TMPRSS9: variants seen among roughly 807,000 people sequenced by gnomAD.
TMPRSS9 encodes the protein transmembrane serine protease 9, also known as transmembrane protease serine 9.
In TMPRSS9, 113 loss-of-function variants were observed where a neutral mutation model predicts 111.4. That is an observed-to-expected ratio of 1.01 (90% CI 0.87 to 1.19). TMPRSS9 has a LOEUF of 1.19. TMPRSS9 is among the 50% of genes most tolerant of loss of function. The pLI, the probability that TMPRSS9 is intolerant of heterozygous loss-of-function variation, is 0.00. For missense variants in TMPRSS9, 1,803 were observed against 1,513.1 expected (o/e 1.19, Z -3.18); for synonymous variants, 805 against 659.1 (o/e 1.22, Z -3.39).
At chr19:2,384,106 G>A (rs12974906) in intron 1 of TMPRSS9, among the ~76,000 whole-genome samples, 76,937 of 152,006 alleles carry the variant, frequency 0.51, 21,642 homozygotes, top group African/African-American at 0.75. Context: ...AGGGGACCCC[G>A]CCCGGGGAAA....
At chr19:2,400,051 G>A (rs1041733988) in intron 4 of TMPRSS9, among the ~76,000 whole-genome samples, 3 of 152,166 alleles carry the variant, frequency 2.0e-5, no homozygotes, top group African/African-American at 4.8e-5. Context: ...TTTGTGGTCC[G>A]TTGGGTTTCT....
intron 13 of TMPRSS9, among the ~76,000 whole-genome samples, chr19:2,419,978 G>A (rs1172703201): frequency 6.6e-6 from 1 of 152,154 alleles, no homozygotes; most frequent in Admixed American, 6.6e-5. Context: ...GGACAACATA[G>A]TGAGACCCCG....
chr19:2,421,279 T>C (rs1225467315), intron 13 of TMPRSS9, among the ~76,000 whole-genome samples: 1 of 151,276 alleles, frequency 6.6e-6, no homozygotes, highest in African/African-American at 2.4e-5. Flanking sequence ...ATGGCTGTTA[T>C]TGTTGTTATT....
At chr19:2,408,116 G>A (rs908893288) in intron 7 of TMPRSS9, among the ~76,000 whole-genome samples, 6 of 145,086 alleles carry the variant, frequency 4.1e-5, no homozygotes, top group African/African-American at 1.0e-4. Flanking sequence ...ACTGTGTTTC[G>A]CTATGTTGCC....
intron 1 of TMPRSS9, among the ~76,000 whole-genome samples, chr19:2,365,909 A>G (rs929737769): frequency 2.0e-5 from 3 of 152,128 alleles, no homozygotes; most frequent in Non-Finnish European, 4.4e-5. Flanking sequence ...GGCTGCAGTG[A>G]GCTGTGATAA....
At position 2,378,104 on chromosome 19, in the gene TMPRSS9, T is replaced by C. The variant is rs1422347943; in HGVS notation, c.-25-11657T>C. ...TATGTTGCCCAGGCTGGTCTCAAAC[T>C]CCTGGCCTCAAGCAATTCTCTTGCC... On this transcript the variant is annotated intron_variant, in intron 1 of 17. Transcript: ENST00000649857. Among the ~76,000 whole-genome samples, 3 of 152,042 alleles carry C rather than the reference T, an allele frequency of 2.0e-5. No individual in the cohort carries two copies. In the South Asian group the frequency reaches 6.2e-4, roughly 32 times the overall value.
intron 1 of TMPRSS9, among the ~76,000 whole-genome samples, chr19:2,382,642 C>A (rs1970398546): frequency 6.7e-6 from 1 of 148,836 alleles, no homozygotes; most frequent in Non-Finnish European, 1.5e-5. Context: ...ACACACAGAC[C>A]ACACATGCAC....
intron 7 of TMPRSS9, 23 bp from the exon 9 acceptor site, chr19:2,408,333 T>A (rs778301439): frequency 6.2e-7 from 1 of 1,604,952 alleles, no homozygotes; most frequent in African/African-American, 1.3e-5. Context: ...CGGTGGCTTC[T>A]GAGCTGGGGT....
chr19:2,364,192 GTGAATGAATGAA>G (rs146229451), intron 1 of TMPRSS9, among the ~76,000 whole-genome samples: 1 of 151,284 alleles, frequency 6.6e-6, no homozygotes, highest in East Asian at 1.9e-4. Flanking sequence ...AAATAAATAA[GTGAATGAATGAA>G]TGAATGAATG....
rs1226779780 is a variant in TMPRSS9 at position 2,425,157 on chromosome 19, C to T, written c.2873C>T (p.Pro958Leu). ...GTGGCGCTGCTGGAGCTGGCGGGGC[C>T]GGTGCGTCGCAGCCGCCTGGTGCGT... Residue 958 changes from proline to leucine, a missense_variant, in exon 16 of 18, where the codon CCG becomes CTG. Transcript: ENST00000648592. 8 of 1,570,682 alleles carry T rather than the reference C, an allele frequency of 5.1e-6. No individual in the cohort carries two copies. The highest frequency in any genetic ancestry group is 6.9e-6 in the Non-Finnish European group (8 of 1,165,878).
At position 2,395,863 on chromosome 19, in the gene TMPRSS9, C is replaced by CTG. The variant is rs1970695215; in HGVS notation, c.143-676_143-675insTG. 1.3e-5 allele frequency among the ~76,000 whole-genome samples: 2 copies of CTG among 151,932 alleles called. 1 individual carries two copies. The highest frequency in any genetic ancestry group is 2.9e-5 in the Non-Finnish European group (2 of 67,976). On this transcript the variant is annotated intron_variant, in intron 1 of 17. Transcript: ENST00000648592. The stretch of plus-strand genomic sequence containing the variant: ...TCTACTAAAAATACAAAAAAATTAG[C>CTG]CACGCGTGGTCGTGGGTGCCTGTAG...
chr19:2,399,678 T>G (rs1028026726), intron 4 of TMPRSS9, among the ~76,000 whole-genome samples: 5 of 152,108 alleles, frequency 3.3e-5, no homozygotes, highest in African/African-American at 1.2e-4. Flanking sequence ...CAGAGTGTTG[T>G]GTTGTGTTGT....
At chr19:2,364,363 A>G (rs1970231222) in intron 1 of TMPRSS9, among the ~76,000 whole-genome samples, 1 of 152,140 alleles carries the variant, frequency 6.6e-6, no homozygotes, top group Non-Finnish European at 1.5e-5. Context: ...AAATGGATGC[A>G]GAGGATAACA....
At chr19:2,373,566 T>C (rs1401534197) in intron 1 of TMPRSS9, among the ~76,000 whole-genome samples, 1 of 152,028 alleles carries the variant, frequency 6.6e-6, no homozygotes, top group African/African-American at 2.4e-5. Context: ...GGTTTCGCCG[T>C]GTTGGCCAGG....
chr19:2,385,390 C>G (rs1029895497), upstream of TMPRSS9, among the ~76,000 whole-genome samples: 5 of 152,172 alleles, frequency 3.3e-5, no homozygotes, highest in Admixed American at 3.3e-4. Flanking sequence ...GGGTGGATCC[C>G]CTGCTCCAAC....
chr19:2,379,538 C>G (rs561282948), intron 1 of TMPRSS9, among the ~76,000 whole-genome samples: 17 of 152,026 alleles, frequency 1.1e-4, no homozygotes, highest in Middle Eastern at 3.4e-3. Context: ...GGCTGTTGGG[C>G]CTTCCTGCCT....
Position 2,415,850 on chromosome 19 carries a change from C to A in TMPRSS9, c.1745+9C>A. ...GCCCACTGCTTCAACCAGTAAGGCC[C>A]GCCTCCTCCAGGAAGGCTGCCCGGC... On this transcript the variant is annotated intron_variant, in intron 11 of 17. Transcript: ENST00000648592. 6.4e-7 allele frequency: 1 copy of A among 1,567,586 alleles called. No individual in the cohort carries two copies. Among genetic ancestry groups the A allele is most frequent in the Non-Finnish European group, 8.7e-7 (1 of 1,152,056 alleles).
intron 1 of TMPRSS9, 123 bp downstream of exon 2, chr19:2,390,050 T>G: frequency 7.5e-7 from 1 of 1,325,096 alleles, no homozygotes; most frequent in Non-Finnish European, 1.0e-6. Flanking sequence ...GGCGTGGAGA[T>G]GAAGGCTGCC....
intron 1 of TMPRSS9, among the ~76,000 whole-genome samples, chr19:2,361,609 A>G (rs1459385951): frequency 1.3e-5 from 2 of 152,144 alleles, no homozygotes; most frequent in Admixed American, 6.5e-5. Flanking sequence ...CCGTGGCGTT[A>G]TCCCCGCATG....
Sources: allele counts gnomAD v4.1 joint callset (sites outside exome capture counted in the v4.1 genomes callset), GRCh38; gene constraint gnomAD v4.1.1; transcripts MANE v1.5; gene names NCBI Gene and HGNC (gene_info 2026-07-23, HGNC 2026-07-21).